The following ADAMTS6 variants were observed in gnomAD, a reference collection of about 807,000 sequenced individuals.
The protein encoded by ADAMTS6 is A disintegrin and metalloproteinase with thrombospondin motifs 6.
In ADAMTS6, 23 loss-of-function variants were observed where a neutral mutation model predicts 144.3. The observed-to-expected ratio is 0.16, with a 90% CI of 0.11 to 0.23. ADAMTS6 has a LOEUF of 0.23. Ranked by LOEUF, ADAMTS6 falls within the 10% of genes least tolerant of loss-of-function variation. The probability of loss-of-function intolerance (pLI) is 1.00; values close to 1 mark genes in which losing one functional copy is unlikely to be tolerated. For missense variants in ADAMTS6, 999 were observed against 1,379.6 expected (o/e 0.72, Z 4.37); for synonymous variants, 444 against 457.5 (o/e 0.97, Z 0.38).
intron 7 of ADAMTS6, among the ~76,000 whole-genome samples, chr5:65,373,492 A>T (rs1435754249): frequency 6.6e-6 from 1 of 151,010 alleles, no homozygotes; most frequent in Admixed American, 6.6e-5. Context: ...CTACGCAAAT[A>T]AACTAGAAAA....
chr5:65,266,754 T>G lies in ADAMTS6; in HGVS notation c.1621-3792A>C, dbSNP rs1273615956. The stretch of plus-strand genomic sequence containing the variant: ...AAAGTTAAAAACCTACGGAACAACT[T>G]GTTTGATTTTGATCTCTGCAGAAGT... On this transcript the variant is annotated intron_variant, in intron 12 of 24. Transcript: ENST00000381055. Among the ~76,000 whole-genome samples the G allele has an allele frequency of 3.3e-5, 5 of 151,958 alleles. No homozygotes were observed. The South Asian group carries it at 1.0e-3, about 31-fold the overall frequency.
At chr5:65,152,301 T>C (rs949393989) in intron 24 of ADAMTS6, among the ~76,000 whole-genome samples, 5 of 152,240 alleles carry the variant, frequency 3.3e-5, no homozygotes, top group African/African-American at 1.2e-4. Flanking sequence ...AGCACTTTTA[T>C]TGCTTCTTTC....
At position 65,270,701 on chromosome 5, in the gene ADAMTS6, T is replaced by A. The variant is rs144226352; in HGVS notation, c.1620+2639A>T. Among the ~76,000 whole-genome samples, 392 of 152,332 alleles carry A rather than the reference T, an allele frequency of 2.6e-3. 1 individual carries two copies. The highest frequency in any genetic ancestry group is 9.1e-3 in the African/African-American group (377 of 41,582). ...GGAAAAACAACAAAGATTTGTTTTG[T>A]AGATAAGTTTTAGACAGTGATATCC... is the stretch of plus-strand genomic sequence containing the variant. On this transcript the variant is annotated intron_variant, in intron 12 of 24. Coordinates refer to ENST00000381055, the MANE Select transcript of ADAMTS6 (RefSeq NM_197941.4).
Position 65,214,815 on chromosome 5 carries a change from A to C in ADAMTS6, c.2554T>G (p.Cys852Gly). Residue 852 changes from cysteine (C) to glycine (G), a missense_variant, in exon 20 of 25, where the codon TGC (cysteine) becomes GGC (glycine). Transcript: ENST00000381055. This position sits in a 1 kb window ranked among gnomAD's most constrained non-coding sequence, Gnocchi z 4.6. ...FTWNHQPWSE[C>G]SATCAGGVQR... is the part of the protein sequence containing the mutation. ...TTACCTCCAGCACAAGTAGCTGAGC[A>C]TTCTGACCAAGGCTGATGATTCCAT... 6.2e-7 allele frequency: 1 copy of C among 1,614,150 alleles called. No individual in the cohort carries two copies. Among genetic ancestry groups the C allele is most frequent in the Non-Finnish European group, 8.5e-7 (1 of 1,180,014 alleles).
At chr5:65,299,319 G>A (rs1743148278) in intron 10 of ADAMTS6, among the ~76,000 whole-genome samples, 1 of 152,128 alleles carries the variant, frequency 6.6e-6, no homozygotes, top group Admixed American at 6.5e-5. Context: ...CACTTAGAAA[G>A]TGAGACCCAA....
rs1420025940 is a variant in ADAMTS6 at position 65,251,829 on chromosome 5, T to C, written c.1830+8771A>G. The C allele has an allele frequency of 2.0e-5, 3 of 152,200 alleles. No homozygotes were observed. The East Asian group carries it at 5.8e-4, about 29-fold the overall frequency. The allele number at this position is 152,200 out of a possible 1,614,324, so 9.4% of individuals were successfully genotyped here. On this transcript the variant is annotated intron_variant, in intron 14 of 24. Coordinates refer to ENST00000381055, the MANE Select transcript of ADAMTS6 (RefSeq NM_197941.4). Reference sequence around the variant, plus strand: ...AAATTCTTAGAATGAAAGTTTTGTCTTCATAAGTTGCTTCTTCTATCTCTG... The same window carrying C: ...AAATTCTTAGAATGAAAGTTTTGTCCTCATAAGTTGCTTCTTCTATCTCTG...
At chr5:65,281,285 A>T (rs1359002858) in intron 11 of ADAMTS6, among the ~76,000 whole-genome samples, 1 of 152,174 alleles carries the variant, frequency 6.6e-6, no homozygotes, top group African/African-American at 2.4e-5. Context: ...AGAACTGAAA[A>T]ATGTCACTGG....
intron 9 of ADAMTS6, among the ~76,000 whole-genome samples, chr5:65,321,234 T>C (rs534953644): frequency 6.6e-6 from 1 of 152,328 alleles, no homozygotes; most frequent in African/African-American, 2.4e-5. Context: ...TTTTTAACAA[T>C]AGCCATTCTG....
At position 65,285,222 on chromosome 5, in the gene ADAMTS6, A is replaced by G. The variant is rs16893646; in HGVS notation, c.1512+6107T>C. On this transcript the variant is annotated intron_variant, in intron 11 of 24. Coordinates refer to ENST00000381055, the MANE Select transcript of ADAMTS6 (RefSeq NM_197941.4). ...TTAAGATAGAAACTTAACGTGGCCT[A>G]TAAGGTGCAGTTACACTTGGCTTCT... is the stretch of plus-strand genomic sequence containing the variant. Among the ~76,000 whole-genome samples, 1,426 of 152,260 alleles carry G rather than the reference A, an allele frequency of 9.4e-3. 17 individuals are homozygous for G. The highest frequency in any genetic ancestry group is 0.033 in the African/African-American group (1,352 of 41,540).
intron 7 of ADAMTS6, among the ~76,000 whole-genome samples, chr5:65,412,185 T>A (rs1446294730): frequency 6.6e-6 from 1 of 152,158 alleles, no homozygotes; most frequent in African/African-American, 2.4e-5. Context: ...ATCCTTAATA[T>A]GTGATATATC....
intron 7 of ADAMTS6, among the ~76,000 whole-genome samples, chr5:65,446,736 G>A (rs1758294626): frequency 6.6e-6 from 1 of 152,128 alleles, no homozygotes; most frequent in African/African-American, 2.4e-5. Context: ...TCATTTGTAT[G>A]TATGGTCTAG....
intron 7 of ADAMTS6, among the ~76,000 whole-genome samples, chr5:65,369,835 A>C (rs1262947179): frequency 6.6e-6 from 1 of 152,174 alleles, no homozygotes; most frequent in African/African-American, 2.4e-5. Flanking sequence ...TGCTGTGATT[A>C]ATTCTGCACC....
At chr5:65,223,005 T>A (rs1281770306) in intron 18 of ADAMTS6, among the ~76,000 whole-genome samples, 2 of 150,856 alleles carry the variant, frequency 1.3e-5, no homozygotes, top group East Asian at 1.9e-4. Context: ...GAAAAAAAAA[T>A]TTTAAATGGG....
At chr5:65,402,605 C>T (rs1255273793) in intron 7 of ADAMTS6, among the ~76,000 whole-genome samples, 1 of 152,058 alleles carries the variant, frequency 6.6e-6, no homozygotes, top group African/African-American at 2.4e-5. Context: ...TGCTCACACA[C>T]CAAATCTGAC....
At chr5:65,295,731 C>T (rs10461503) in intron 10 of ADAMTS6, among the ~76,000 whole-genome samples, 82,884 of 151,828 alleles carry the variant, frequency 0.55, 22,988 homozygotes, top group African/African-American at 0.65. Context: ...TTTTTGTTTA[C>T]GCTTCTAAGA....
Position 65,334,026 on chromosome 5 carries a change from A to AAAC in ADAMTS6, c.1117+15_1117+16insGTT. ...AAAAAAAAAAAAAAAAAAAAAAAAA[A>AAAC]CCAAAAAAAACTTACCCAGTGTTCC... On this transcript the variant is annotated intron_variant, in intron 8 of 24. Coordinates refer to ENST00000381055, the MANE Select transcript of ADAMTS6 (RefSeq NM_197941.4). 2.3e-6 allele frequency: 3 copies of AAAC among 1,299,270 alleles called. No individual in the cohort carries two copies. Among genetic ancestry groups the AAAC allele is most frequent in the Non-Finnish European group, 2.0e-6 (2 of 1,002,182 alleles). The allele number at this position is 1,299,270 out of a possible 1,614,324, so 80.5% of individuals were successfully genotyped here.
chr5:65,467,038 TC>T (rs1219535197), intron 3 of ADAMTS6, among the ~76,000 whole-genome samples: 1 of 123,430 alleles, frequency 8.1e-6, no homozygotes, highest in Non-Finnish European at 1.6e-5. Flanking sequence ...AGACTCCGTC[TC>T]AAAAAAAAAA....
At chr5:65,194,194 G>GT (rs1488188644) in intron 21 of ADAMTS6, among the ~76,000 whole-genome samples, 1 of 152,192 alleles carries the variant, frequency 6.6e-6, no homozygotes, top group Non-Finnish European at 1.5e-5. Context: ...GGTCCCTGAT[G>GT]TTTGACGGTT....
chr5:65,161,300 A>T (rs1370988254), intron 24 of ADAMTS6, among the ~76,000 whole-genome samples: 2 of 151,752 alleles, frequency 1.3e-5, no homozygotes, highest in Non-Finnish European at 2.9e-5. Context: ...GGCCTCCCAA[A>T]ATGTTGAGAT....
Sources: allele counts gnomAD v4.1 joint callset (sites outside exome capture counted in the v4.1 genomes callset), GRCh38; gene constraint gnomAD v4.1.1; non-coding constraint Gnocchi (gnomAD v3.1); transcripts MANE v1.5; gene names NCBI Gene and HGNC (gene_info 2026-07-23, HGNC 2026-07-21).